Variants in PBXIP1 observed in about 807,000 individuals in gnomAD.
PBXIP1 encodes the protein PBX homeobox interacting protein 1.
A neutral mutation model predicts 73.7 loss-of-function variants in PBXIP1; 73 were observed. That is an observed-to-expected ratio of 0.99 (90% CI 0.82 to 1.20). The LOEUF (loss-of-function observed/expected upper bound fraction) is 1.20. PBXIP1 is among the 50% of genes most tolerant of loss of function. The pLI, the probability that PBXIP1 is intolerant of heterozygous loss-of-function variation, is 0.00. For synonymous variants in PBXIP1, 330 were observed against 366.9 expected (o/e 0.90, Z 1.15); for missense variants, 818 against 911.4 (o/e 0.90, Z 1.32).
rs148642218 is a variant in PBXIP1, at chr1:154,951,831, C to A, written c.142G>T (p.Asp48Tyr). ...ATGGTCCCAGCTAATTCTTTCCCAT[C>A]TGTCTTGGAGGGGCTGTGAGGGGCC... ...LQAPHSPSKT[D>Y]GKELAGTMDG... Residue 48 changes from aspartate (D) to tyrosine (Y), a missense_variant, in exon 3 of 11, where the codon GAT (aspartate) becomes TAT (tyrosine). Asp to Tyr is a radical substitution (Grantham distance 160). Coordinates refer to ENST00000368463, the MANE Select transcript of PBXIP1 (RefSeq NM_020524.4). The surrounding 1 kb of genome is among the most constrained non-coding windows in gnomAD (Gnocchi z 4.3). 6.2e-7 allele frequency: 1 copy of A among 1,614,080 alleles called. No homozygotes were observed. Among genetic ancestry groups the A allele is most frequent in the South Asian group, 1.1e-5 (1 of 91,082 alleles).
Position 154,948,199 on chromosome 1 carries a change from T to A in PBXIP1, c.577A>T (p.Ile193Phe). 4 of 1,609,152 alleles carry A rather than the reference T, an allele frequency of 2.5e-6. 1 individual carries two copies. The highest frequency in any genetic ancestry group is 2.5e-6 in the Non-Finnish European group (3 of 1,177,162). ...CCAAGGAGGCACATGTTGAGGGAGATGCCCAGCTCCCCGCCTGCACCCTCA... is the reference window on the plus strand; with the variant it reads ...CCAAGGAGGCACATGTTGAGGGAGAAGCCCAGCTCCCCGCCTGCACCCTCA... ...GGEGAGGELG[I>F]SLNMCLLGAL... Residue 193 changes from isoleucine to phenylalanine, a missense_variant, in exon 6 of 11, where the codon ATC becomes TTC. By Grantham distance (21) the Ile-to-Phe change is conservative (BLOSUM62 0). Coordinates refer to ENST00000368463, the MANE Select transcript of PBXIP1 (RefSeq NM_020524.4).
chr1:154,946,125 A>G lies in PBXIP1; in HGVS notation c.1549T>C (p.Trp517Arg), dbSNP rs1654803548. ...GQEDREPAGR[W>R]KEGRPRVEES... The stretch of plus-strand genomic sequence containing the variant: ...TCCACCCTTGGCCTGCCCTCCTTCC[A>G]CCTTCCTGCTGGCTCCCTGTCCTCC... Residue 517 changes from tryptophan (W) to arginine (R), a missense_variant, in exon 10 of 11, where the codon TGG becomes CGG. By Grantham distance (101) the Trp-to-Arg change is moderately radical (BLOSUM62 -3). Transcript: ENST00000368463. 6.2e-7 allele frequency: 1 copy of G among 1,612,794 alleles called. No homozygotes were observed. The highest frequency in any genetic ancestry group is 8.5e-7 in the Non-Finnish European group (1 of 1,179,616).
At chr1:154,945,231 C>T in intron 10 of PBXIP1, 114 bp from the exon 11 acceptor site, 1 of 723,456 alleles carries the variant, frequency 1.4e-6, no homozygotes, top group Non-Finnish European at 2.3e-6. Context: ...CACCACCAAG[C>T]ATATGTGGGA....
chr1:154,953,104 G>T (rs1655062962), intron 2 of PBXIP1, among the ~76,000 whole-genome samples: 1 of 152,138 alleles, frequency 6.6e-6, no homozygotes, highest in African/African-American at 2.4e-5. Flanking sequence ...TACCTGGACT[G>T]CTGCAGGGGG....
At position 154,946,466 on chromosome 1, in the gene PBXIP1, C is replaced by T. The variant is rs1448704308; in HGVS notation, c.1208G>A (p.Arg403Gln). Residue 403 changes from arginine to glutamine, a missense_variant, in exon 10 of 11, where the codon CGG becomes CAG. Coordinates refer to ENST00000368463, the MANE Select transcript of PBXIP1 (RefSeq NM_020524.4). Reference sequence around the variant, plus strand: ...ATCCTGCTGTACAGACCCCAGCAGCCGTCGCTGCCTCTCTAACTCTTGCCT... The same window carrying T: ...ATCCTGCTGTACAGACCCCAGCAGCTGTCGCTGCCTCTCTAACTCTTGCCT... ...ALRQELERQR[R>Q]LLGSVQQDLE... 1.3e-5 allele frequency: 21 copies of T among 1,608,278 alleles called. No individual in the cohort carries two copies. Among genetic ancestry groups the T allele is most frequent in the African/African-American group, 4.0e-5 (3 of 74,946 alleles).
In PBXIP1 at chr1:154,953,902, C is replaced by T. The variant is rs1474496457; in HGVS notation, c.-36-145G>A. The T allele has an allele frequency of 1.5e-5, 9 of 594,496 alleles. No individual in the cohort carries two copies. In the South Asian group the frequency reaches 1.6e-4, roughly 11 times the overall value. The allele number at this position is 594,496 out of a possible 1,614,324, so 36.8% of individuals were successfully genotyped here. On this transcript the variant is annotated intron_variant, in intron 1 of 10. Coordinates refer to ENST00000368463, the MANE Select transcript of PBXIP1 (RefSeq NM_020524.4). ...GGTTCCAGTCCTTCTCTCCCTGACA[C>T]CCCAGCTCTTCTAAGCAGTATTTGC...
In PBXIP1 at chr1:154,948,345, C is replaced by A; in HGVS notation, c.431G>T (p.Arg144Leu). The stretch of plus-strand genomic sequence containing the variant: ...GGTGTCATCGTCACTGCTGGAGCAG[C>A]GGCCCTCCTCCCTGATCCAAGCTAG... ...PKAAWIREEG[R>L]CSSSDDDTDV... The change falls in exon 6 of 11, where the codon CGC (arginine) becomes CTC (leucine). Residue 144 changes from arginine to leucine, a missense_variant. Coordinates refer to ENST00000368463, the MANE Select transcript of PBXIP1 (RefSeq NM_020524.4). The A allele has an allele frequency of 6.3e-7, 1 of 1,599,730 alleles. No homozygotes were observed.
Position 154,944,963 on chromosome 1 carries a change from T to G in PBXIP1, c.*61A>C. ...CAGGACAGAGTCCACCCTCCAGGAGTTAGATAACGCTGGGATCTTGGGCTG... is the reference window on the plus strand; with the variant it reads ...CAGGACAGAGTCCACCCTCCAGGAGGTAGATAACGCTGGGATCTTGGGCTG... On this transcript the variant is annotated 3_prime_UTR_variant, in exon 11 of 11. Transcript: ENST00000368463. 2 of 1,347,958 alleles carry G rather than the reference T, an allele frequency of 1.5e-6. No individual in the cohort carries two copies. Among genetic ancestry groups the G allele is most frequent in the Non-Finnish European group, 2.1e-6 (2 of 941,362 alleles). The allele number at this position is 1,347,958 out of a possible 1,614,324, so 83.5% of individuals were successfully genotyped here. A position where few individuals can be genotyped will look rare whatever the true frequency, so the allele number is the denominator to read the frequency against.
rs772821084 is a variant in PBXIP1 at position 154,946,696 on chromosome 1, A to C, written c.978T>G (p.Ala326=). 8 of 1,612,330 alleles carry C rather than the reference A, an allele frequency of 5.0e-6. No individual in the cohort carries two copies. In the East Asian group the frequency reaches 1.8e-4, roughly 36 times the overall value. ...ALQQGEAFQR[A]LESELQQLRA... ...GCAGCTGCTGCAGCTCTGACTCCAG[A>C]GCCCGCTGGAAGGCTTCGCCCTGCT... Residue 326 remains alanine (A), a synonymous_variant, in exon 10 of 11, where the codon GCT becomes GCG. Transcript: ENST00000368463.
At position 154,951,530 on chromosome 1, in the gene PBXIP1, G is replaced by C; in HGVS notation, c.184C>G (p.Leu62Val). Residue 62 changes from leucine to valine, a missense_variant, in exon 4 of 11, where the codon CTC becomes GTC. Physicochemically the swap from Leu to Val is conservative, Grantham distance 32. Coordinates refer to ENST00000368463, the MANE Select transcript of PBXIP1 (RefSeq NM_020524.4). This position sits in a 1 kb window ranked among gnomAD's most constrained non-coding sequence, Gnocchi z 4.3. ...GACTGAGGGCTTTCAGTCTGGAAGAGCGTCCCTGCGGTAGGAGAAAAGGCG... is the reference window on the plus strand; with the variant it reads ...GACTGAGGGCTTTCAGTCTGGAAGACCGTCCCTGCGGTAGGAGAAAAGGCG... The part of the protein sequence containing the change: ...LAGTMDGEGT[L>V]FQTESPQSGS... 1 of 1,613,858 alleles carries C rather than the reference G, an allele frequency of 6.2e-7. No homozygotes were observed. Among genetic ancestry groups the C allele is most frequent in the Non-Finnish European group, 8.5e-7 (1 of 1,179,766 alleles).
intron 9 of PBXIP1, 184 bp from the exon 10 acceptor site, chr1:154,946,987 G>A (rs1251084325): frequency 3.5e-6 from 2 of 568,144 alleles, no homozygotes; most frequent in African/African-American, 3.8e-5. Context: ...GAGACACAGG[G>A]ATCCCCAAAT....
chr1:154,952,233 C>T (rs1655029985), intron 2 of PBXIP1, among the ~76,000 whole-genome samples: 1 of 152,198 alleles, frequency 6.6e-6, no homozygotes, highest in African/African-American at 2.4e-5. Context: ...CACAGATGAA[C>T]AACCCAGATA....
rs776903238 is a variant in PBXIP1 at position 154,947,439 on chromosome 1, C to T, written c.848G>A (p.Arg283Gln). 25 of 1,613,904 alleles carry T rather than the reference C, an allele frequency of 1.5e-5. No individual in the cohort carries two copies. The highest frequency in any genetic ancestry group is 8.0e-5 in the African/African-American group (6 of 74,874). ...CACCTGCAGCTGGGCCTGCAGCAGC[C>T]GGATGTCCTGGTTCTCCTTGGCCAG... ...DKLAKENQDIRLLQAQLQAQK... is the reference protein window; with the variant it reads ...DKLAKENQDIQLLQAQLQAQK... The change falls in exon 9 of 11, where the codon CGG (arginine) becomes CAG (glutamine). Residue 283 changes from arginine (R) to glutamine (Q), a missense_variant. Physicochemically the swap from Arg to Gln is conservative, Grantham distance 43. Transcript: ENST00000368463.
Position 154,951,701 on chromosome 1 carries a change from G to T in PBXIP1, c.178+94C>A. The T allele has an allele frequency of 1.3e-6, 2 of 1,496,334 alleles. No individual in the cohort carries two copies. The highest frequency in any genetic ancestry group is 1.2e-5 in the South Asian group (1 of 85,270). 92.7% of individuals were successfully genotyped at this position (1,496,334 alleles called of 1,614,324 possible). ...CTGAGATTAATGGAGGAACTAAAACGAACCAGCCTCCCTTTCTCTGAGGAA... is the reference window on the plus strand; with the variant it reads ...CTGAGATTAATGGAGGAACTAAAACTAACCAGCCTCCCTTTCTCTGAGGAA... On this transcript the variant is annotated intron_variant, in intron 3 of 10. Transcript: ENST00000368463. The surrounding 1 kb of genome is among the most constrained non-coding windows in gnomAD (Gnocchi z 4.3).
Position 154,948,300 on chromosome 1 carries a change from AG to A in PBXIP1, c.475del (p.Leu159CysfsTer91), listed in dbSNP as rs747356528. The A allele has an allele frequency of 1.2e-6, 2 of 1,611,326 alleles. No homozygotes were observed. The highest frequency in any genetic ancestry group is 2.2e-5 in the South Asian group (2 of 90,546). ...DDDTDVDMEGLRRRRGREAGP... is the reference protein window; with the variant it reads ...DDDTDVDMEGXRRRRGREAGP... Reference sequence around the variant, plus strand: ...GGCCTCCCGGCCCCGCCGTCTCCGCAGACCCTCCATGTCCACGTCGGTGTCA... The same window carrying A: ...GGCCTCCCGGCCCCGCCGTCTCCGCAACCCTCCATGTCCACGTCGGTGTCA... On this transcript the variant is annotated frameshift_variant, in exon 6 of 11. Coordinates refer to ENST00000368463, the MANE Select transcript of PBXIP1 (RefSeq NM_020524.4). LOFTEE classifies it high-confidence loss of function.
Position 154,953,767 on chromosome 1 carries a change from A to C in PBXIP1, c.-36-10T>G, listed in dbSNP as rs1157431055. On this transcript the variant is annotated splice_polypyrimidine_tract_variant and intron_variant, in intron 1 of 10. Transcript: ENST00000368463. ...CTGCTGTGGCTGCCACCTGCAGAAG[A>C]AAGCTCTCTTAAGGATGGGAGCTCC... is the stretch of plus-strand genomic sequence containing the variant. 6.3e-7 allele frequency: 1 copy of C among 1,590,708 alleles called. No individual in the cohort carries two copies. Among genetic ancestry groups the C allele is most frequent in the Non-Finnish European group, 8.6e-7 (1 of 1,162,148 alleles).
At chr1:154,955,086 TC>T in intron 1 of PBXIP1, 1 of 314,270 alleles carries the variant, frequency 3.2e-6, no homozygotes, top group Non-Finnish European at 4.6e-6. Flanking sequence ...ATGCCCATCC[TC>T]CCAGACACAT....
At chr1:154,947,758 C>A (rs1374168688) in intron 7 of PBXIP1, 46 bp from the exon 8 acceptor site, 1 of 1,561,632 alleles carries the variant, frequency 6.4e-7, no homozygotes, top group African/African-American at 1.4e-5. Flanking sequence ...GCACACAGAG[C>A]CCATTCTCCC....
intron 1 of PBXIP1, among the ~76,000 whole-genome samples, chr1:154,955,611 T>C (rs1052302930): frequency 6.6e-6 from 1 of 152,160 alleles, no homozygotes; most frequent in African/African-American, 2.4e-5. Context: ...TGCTGTCTAA[T>C]CTCCACCCTT....
Sources: gnomAD v4.1 joint callset for allele counts (sites outside exome capture counted in the v4.1 genomes callset) on GRCh38, gnomAD v4.1.1 for gene constraint, Gnocchi (gnomAD v3.1) non-coding constraint, MANE v1.5 for transcripts, NCBI Gene and HGNC (gene_info 2026-07-23, HGNC 2026-07-21) for gene names.